OPRK1: variants seen among roughly 807,000 people sequenced by gnomAD.
The protein encoded by OPRK1 is kappa-type opioid receptor.
In OPRK1, 15 loss-of-function variants were observed where a neutral mutation model predicts 24.5. That is an observed-to-expected ratio of 0.61 (90% CI 0.41 to 0.94). The LOEUF (loss-of-function observed/expected upper bound fraction) is 0.94. OPRK1 is among the 40% of genes least tolerant of loss of function. The pLI, the probability that OPRK1 is intolerant of heterozygous loss-of-function variation, is 0.00. For synonymous variants in OPRK1, 205 were observed against 198.0 expected, an observed-to-expected ratio of 1.04 and a Z score of -0.30; for missense variants, 479 against 507.3, an observed-to-expected ratio of 0.94 and a Z score of 0.54.
rs749949592 is a variant in OPRK1, at chr8:53,229,631, C to T, written c.809G>A (p.Arg270His). 1.1e-5 allele frequency: 18 copies of T among 1,613,960 alleles called. No homozygotes were observed. The highest frequency in any genetic ancestry group is 1.6e-4 in the Middle Eastern group (1 of 6,084). ...CACCAGGACCAGTCTGGTGATCCTA[C>T]GCAGGTTGCGATCTTTCTCTCGGGA... ...SGSREKDRNL[R>H]RITRLVLVVV... The change falls in exon 4 of 4, where the codon CGT becomes CAT. Residue 270 changes from arginine to histidine, a missense_variant. By Grantham distance (29) the Arg-to-His change is conservative (BLOSUM62 0). Coordinates refer to ENST00000265572, the MANE Select transcript of OPRK1 (RefSeq NM_000912.5).
rs1806721408 is a variant in OPRK1 at position 53,227,259 on chromosome 8, A to AG, written c.*2037_*2038insC. ...GGCAACAGAGCGAGACTCCGTCTCAAAAAAAAAAAAAAAAAAAAAGAAGAC... is the reference window on the plus strand; with the variant it reads ...GGCAACAGAGCGAGACTCCGTCTCAAGAAAAAAAAAAAAAAAAAAAGAAGAC... On this transcript the variant is annotated 3_prime_UTR_variant, in exon 4 of 4. Transcript: ENST00000265572. 1 of 92,466 alleles carries AG rather than the reference A, an allele frequency of 1.1e-5. No individual in the cohort carries two copies. The highest frequency in any genetic ancestry group is 1.1e-4 in the African/African-American group (1 of 9,198). The allele number at this position is 92,466 out of a possible 1,614,324, so 5.7% of individuals were successfully genotyped here.
rs1391558300 is a variant in OPRK1 at position 53,240,284 on chromosome 8, A to T, written c.258-5173T>A. ...AACTTCAGCTCCAATATAATAAAAA[A>T]GAAAAAGGAAACAAAACAAAACAAA... On this transcript the variant is annotated intron_variant, in intron 2 of 3. Coordinates refer to ENST00000265572, the MANE Select transcript of OPRK1 (RefSeq NM_000912.5). 2.0e-5 allele frequency among the ~76,000 whole-genome samples: 3 copies of T among 152,220 alleles called. No individual in the cohort carries two copies. In the East Asian group the frequency reaches 5.8e-4, roughly 29 times the overall value.
At chr8:53,234,182 C>CAAAAA (rs546459906) in intron 3 of OPRK1, among the ~76,000 whole-genome samples, 1,004 of 65,294 alleles carry the variant, frequency 0.015, 61 homozygotes, top group Middle Eastern at 0.031. Context: ...GACTCTCTCT[C>CAAAAA]AAAAAAAAAA....
chr8:53,242,891 C>G (rs1275240270), intron 2 of OPRK1: 7 of 1,288,194 alleles, frequency 5.4e-6, no homozygotes, highest in Non-Finnish European at 1.0e-6. Flanking sequence ...ATGGTTTTGT[C>G]GTCTTCCATT....
At position 53,229,205 on chromosome 8, in the gene OPRK1, T is replaced by A; in HGVS notation, c.*92A>T. The A allele has an allele frequency of 7.1e-7, 1 of 1,407,130 alleles. No homozygotes were observed. Among genetic ancestry groups the A allele is most frequent in the East Asian group, 2.3e-5 (1 of 43,524 alleles). The allele number at this position is 1,407,130 out of a possible 1,614,324, so 87.2% of individuals were successfully genotyped here. A position where few individuals can be genotyped will look rare whatever the true frequency, so the allele number is the denominator to read the frequency against. ...AAAGTTTATTTTAAATTCTATCTTT[T>A]CATGTCAGACTGCAGTAGTGATCTG... is the stretch of plus-strand genomic sequence containing the variant. On this transcript the variant is annotated 3_prime_UTR_variant, in exon 4 of 4. Transcript: ENST00000265572.
At chr8:53,240,967 A>G (rs1807099742) in intron 2 of OPRK1, among the ~76,000 whole-genome samples, 1 of 152,116 alleles carries the variant, frequency 6.6e-6, no homozygotes, top group Admixed American at 6.5e-5. Context: ...TGTAATTTTT[A>G]TTTGTCAATT....
intron 2 of OPRK1, chr8:53,238,642 C>T: frequency 3.0e-6 from 3 of 985,478 alleles, no homozygotes; most frequent in Non-Finnish European, 2.4e-6. Context: ...TAGCGTACTT[C>T]TCTTTACAGA....
intron 2 of OPRK1, among the ~76,000 whole-genome samples, chr8:53,240,477 C>T (rs1430648251): frequency 6.6e-6 from 1 of 152,156 alleles, no homozygotes; most frequent in East Asian, 1.9e-4. Context: ...CCTTGGAGTC[C>T]AAAGAGGCCC....
chr8:53,242,673 A>AT (rs1807141461), intron 2 of OPRK1: 1 of 372,926 alleles, frequency 2.7e-6, no homozygotes, highest in Non-Finnish European at 4.0e-6. Flanking sequence ...CGCCCGGCTA[A>AT]TTTTTTGTAT....
intron 2 of OPRK1, among the ~76,000 whole-genome samples, chr8:53,236,720 C>T (rs1807005510): frequency 6.6e-6 from 1 of 152,146 alleles, no homozygotes; most frequent in South Asian, 2.1e-4. Flanking sequence ...GAAATGCTAT[C>T]TGTTCAGATA....
intron 2 of OPRK1, chr8:53,242,809 C>G (rs1226338205): frequency 2.4e-6 from 3 of 1,247,396 alleles, no homozygotes; most frequent in African/African-American, 3.1e-5. Flanking sequence ...CCCGGCCACT[C>G]CAGCCATTCT....
Position 53,229,321 on chromosome 8 carries a change from G to T in OPRK1, c.1119C>A (p.Ile373=), listed in dbSNP as rs150426309. ...GTCATACTGGTTTATTCATCCCATC[G>T]ATGTCCCTCAGGTAAGCAGGATCCT... The part of the protein sequence containing the change: ...TVQDPAYLRD[I]DGMNKPV The change falls in exon 4 of 4, where the codon ATC becomes ATA. Residue 373 remains isoleucine, a synonymous_variant. Transcript: ENST00000265572. 1.8e-5 allele frequency: 29 copies of T among 1,613,932 alleles called. No individual in the cohort carries two copies. The highest frequency in any genetic ancestry group is 2.3e-5 in the Non-Finnish European group (27 of 1,179,846).
At chr8:53,250,092 C>T (rs575551764) in intron 2 of OPRK1, among the ~76,000 whole-genome samples, 100 of 151,660 alleles carry the variant, frequency 6.6e-4, no homozygotes, top group Non-Finnish European at 1.2e-3. Flanking sequence ...CACACACACA[C>T]ACACACACAA....
At chr8:53,246,605 A>T (rs1345631748) in intron 2 of OPRK1, among the ~76,000 whole-genome samples, 1 of 150,734 alleles carries the variant, frequency 6.6e-6, no homozygotes, top group Non-Finnish European at 1.5e-5. Flanking sequence ...CCCCAGGAGC[A>T]ATGAGCTTCA....
At chr8:53,246,931 C>T (rs373047564) in intron 2 of OPRK1, among the ~76,000 whole-genome samples, 3 of 152,160 alleles carry the variant, frequency 2.0e-5, no homozygotes, top group African/African-American at 7.2e-5. Flanking sequence ...AAGAGGGACA[C>T]AGAAAAACTT....
chr8:53,238,817 G>A, intron 2 of OPRK1: 1 of 483,190 alleles, frequency 2.1e-6, no homozygotes, highest in Non-Finnish European at 2.7e-6. Context: ...AGGGGGAGCT[G>A]ACCCTGCAAC....
At position 53,229,632 on chromosome 8, in the gene OPRK1, G is replaced by A. The variant is rs141228759; in HGVS notation, c.808C>T (p.Arg270Cys). 9.3e-6 allele frequency: 15 copies of A among 1,613,984 alleles called. No individual in the cohort carries two copies. Among genetic ancestry groups the A allele is most frequent in the Middle Eastern group, 1.6e-4 (1 of 6,082 alleles). ...ACCAGGACCAGTCTGGTGATCCTACGCAGGTTGCGATCTTTCTCTCGGGAG... is the reference window on the plus strand; with the variant it reads ...ACCAGGACCAGTCTGGTGATCCTACACAGGTTGCGATCTTTCTCTCGGGAG... ...SGSREKDRNL[R>C]RITRLVLVVV... is the part of the protein sequence containing the mutation. Residue 270 changes from arginine to cysteine, a missense_variant, in exon 4 of 4, where the codon CGT becomes TGT. Physicochemically the swap from Arg to Cys is radical, Grantham distance 180 (BLOSUM62 -3). Transcript: ENST00000265572.
In OPRK1 at chr8:53,234,850, C is replaced by T. The variant is rs1319153238; in HGVS notation, c.519G>A (p.Leu173=). The T allele has an allele frequency of 6.2e-7, 1 of 1,614,202 alleles. No individual in the cohort carries two copies. The highest frequency in any genetic ancestry group is 1.1e-5 in the South Asian group (1 of 91,086). ...PVKALDFRTP[L]KAKIINICIW... ...TGCAGATATTGATGATCTTTGCCTT[C>T]AAGGGTGTGCGGAAGTCCAAAGCCT... The change falls in exon 3 of 4, where the codon TTG becomes TTA. Residue 173 remains leucine, a synonymous_variant. Transcript: ENST00000265572.
intron 3 of OPRK1, among the ~76,000 whole-genome samples, chr8:53,233,326 G>T (rs1806901349): frequency 6.6e-6 from 1 of 152,168 alleles, no homozygotes. Flanking sequence ...ATGTGCCTGT[G>T]TGGGGTAAAT....
Sources: allele counts gnomAD v4.1 joint callset (sites outside exome capture counted in the v4.1 genomes callset), GRCh38; gene constraint gnomAD v4.1.1; transcripts MANE v1.5; gene names NCBI Gene and HGNC (gene_info 2026-07-23, HGNC 2026-07-21).